INSL4: variants seen among roughly 807,000 people sequenced by gnomAD.
The protein encoded by INSL4 is early placenta insulin-like peptide.
In INSL4, 7 loss-of-function variants were observed where a neutral mutation model predicts 6.5. The ratio of observed to expected loss-of-function variants is 1.08; its 90% CI spans 0.61 to 2.02. The LOEUF (loss-of-function observed/expected upper bound fraction) is 2.02. Among genes scored for constraint, INSL4 ranks in the 30% most tolerant of loss-of-function variants. The pLI is 0.00. For missense variants in INSL4, 226 were observed against 163.2 expected (o/e 1.38, Z -2.09); for synonymous variants, 82 against 65.8 (o/e 1.25, Z -1.19).
chr9:5,233,249 A>C lies in INSL4; in HGVS notation c.197-405A>C, dbSNP rs555802212. On this transcript the variant is annotated intron_variant, in intron 1 of 1. Transcript: ENST00000239316. ...TCCACTGATATAGATGTATAGATTT[A>C]TGTGGATCAGATTTGAATATCTGAA... 2.6e-5 allele frequency among the ~76,000 whole-genome samples: 4 copies of C among 152,276 alleles called. No individual in the cohort carries two copies. The South Asian group carries it at 8.3e-4, about 32-fold the overall frequency.
At chr9:5,232,336 G>A (rs975407654) in intron 1 of INSL4, among the ~76,000 whole-genome samples, 3 of 151,920 alleles carry the variant, frequency 2.0e-5, no homozygotes, top group Non-Finnish European at 2.9e-5. Flanking sequence ...TTACAAAAAA[G>A]TTTTTTTTAA....
At chr9:5,232,890 C>A (rs1324794947) in intron 1 of INSL4, among the ~76,000 whole-genome samples, 1 of 152,160 alleles carries the variant, frequency 6.6e-6, no homozygotes, top group Non-Finnish European at 1.5e-5. Context: ...ACAGTGAATG[C>A]ACTTGGATTT....
chr9:5,234,008 T>C lies in INSL4; in HGVS notation c.*131T>C, dbSNP rs756218443. The C allele has an allele frequency of 8.8e-6, 6 of 679,846 alleles. No homozygotes were observed. The highest frequency in any genetic ancestry group is 1.5e-5 in the Non-Finnish European group (6 of 390,644). 42.1% of individuals were successfully genotyped at this position (679,846 alleles called of 1,614,324 possible). ...CATTATTAGTATTCACATGTTTCAC[T>C]TGCTCTGTACTAATATAGTCTCTCC... On this transcript the variant is annotated 3_prime_UTR_variant, in exon 2 of 2. Coordinates refer to ENST00000239316, the MANE Select transcript of INSL4 (RefSeq NM_002195.2).
rs1826147171 is a variant in INSL4, at chr9:5,231,632, A to G, written c.109A>G (p.Lys37Glu). 1 of 1,613,796 alleles carries G rather than the reference A, an allele frequency of 6.2e-7. No homozygotes were observed. Among genetic ancestry groups the G allele is most frequent in the African/African-American group, 1.3e-5 (1 of 74,898 alleles). ...GAGGGGATGTGGTCCCCGATTTGGA[A>G]AACACTTGCTGTCATATTGCCCCAT... is the stretch of plus-strand genomic sequence containing the variant. Reference protein sequence around the residue: ...ELRGCGPRFGKHLLSYCPMPE... With the variant: ...ELRGCGPRFGEHLLSYCPMPE... Residue 37 changes from lysine (K) to glutamate (E), a missense_variant, in exon 1 of 2, where the codon AAA becomes GAA. Transcript: ENST00000239316.
chr9:5,233,673 C>A lies in INSL4; in HGVS notation c.216C>A (p.Asn72Lys), dbSNP rs535116565. The A allele has an allele frequency of 2.5e-6, 4 of 1,613,380 alleles. No homozygotes were observed. In the African/African-American group the frequency reaches 4.0e-5, roughly 16 times the overall value. Residue 72 changes from asparagine to lysine, a missense_variant, in exon 2 of 2, where the codon AAC becomes AAA. Asn to Lys is a moderately conservative substitution (Grantham distance 94). Coordinates refer to ENST00000239316, the MANE Select transcript of INSL4 (RefSeq NM_002195.2). ...GRPKEMVSTS[N>K]NKDGQALGTT... The stretch of plus-strand genomic sequence containing the variant: ...TCACAGAAATGGTGTCAACCTCCAA[C>A]AACAAAGATGGACAAGCCTTAGGTA...
rs144148792 is a variant in INSL4 at position 5,233,789 on chromosome 9, G to A, written c.332G>A (p.Arg111His). The A allele has an allele frequency of 2.9e-5, 47 of 1,613,466 alleles. No individual in the cohort carries two copies. Among genetic ancestry groups the A allele is most frequent in the East Asian group, 6.7e-5 (3 of 44,866 alleles). Reference protein sequence around the residue: ...QPSLKKIILSRKKRSGRHRFD... With the variant: ...QPSLKKIILSHKKRSGRHRFD... ...TCATTGAAGAAAATAATACTTTCCC[G>A]CAAAAAGAGAAGTGGACGTCACAGA... Residue 111 changes from arginine to histidine, a missense_variant, in exon 2 of 2, where the codon CGC (arginine) becomes CAC (histidine). Physicochemically the swap from Arg to His is conservative, Grantham distance 29 (BLOSUM62 0). Transcript: ENST00000239316.
Position 5,234,679 on chromosome 9 carries a change from C to T in INSL4, c.*802C>T, listed in dbSNP as rs956632666. On this transcript the variant is annotated 3_prime_UTR_variant, in exon 2 of 2. Coordinates refer to ENST00000239316, the MANE Select transcript of INSL4 (RefSeq NM_002195.2). ...CTGGCATTCCTCTGGCTACACATAC[C>T]TCCTCCCTATGTGTCTCTAAATCCT... 6.6e-6 allele frequency: 1 copy of T among 152,334 alleles called. No individual in the cohort carries two copies. The highest frequency in any genetic ancestry group is 6.6e-5 in the Admixed American group (1 of 15,264). 9.4% of individuals were successfully genotyped at this position (152,334 alleles called of 1,614,324 possible).
intron 1 of INSL4, among the ~76,000 whole-genome samples, chr9:5,232,711 G>C (rs893890887): frequency 3.3e-5 from 5 of 152,172 alleles, no homozygotes; most frequent in African/African-American, 1.2e-4. Context: ...TGTCTAATAG[G>C]TCGTATTAAG....
intron 1 of INSL4, among the ~76,000 whole-genome samples, chr9:5,232,716 A>C (rs1361274516): frequency 6.6e-6 from 1 of 152,220 alleles, no homozygotes; most frequent in Non-Finnish European, 1.5e-5. Flanking sequence ...AATAGGTCGT[A>C]TTAAGTTCTG....
rs1460868807 is a variant in INSL4, at chr9:5,234,184, T to A, written c.*307T>A. 3.3e-6 allele frequency: 1 copy of A among 302,856 alleles called. No homozygotes were observed. 18.8% of individuals were successfully genotyped at this position (302,856 alleles called of 1,614,324 possible). ...CAAAAAAGATGAATGTTAGTTTGGA[T>A]GCATATCCCAATTACCCTGATTTGA... On this transcript the variant is annotated 3_prime_UTR_variant, in exon 2 of 2. Transcript: ENST00000239316.
At chr9:5,233,114 A>T (rs1826172990) in intron 1 of INSL4, among the ~76,000 whole-genome samples, 1 of 152,136 alleles carries the variant, frequency 6.6e-6, no homozygotes, top group African/African-American at 2.4e-5. Flanking sequence ...TACTTTGACA[A>T]ATATAGATAA....
At position 5,231,624 on chromosome 9, in the gene INSL4, G is replaced by A. The variant is rs769875507; in HGVS notation, c.101G>A (p.Arg34Gln). ...LAAELRGCGP[R>Q]FGKHLLSYCP... ...GCAGAGCTGAGGGGATGTGGTCCCC[G>A]ATTTGGAAAACACTTGCTGTCATAT... Residue 34 changes from arginine (R) to glutamine (Q), a missense_variant, in exon 1 of 2, where the codon CGA becomes CAA. By Grantham distance (43) the Arg-to-Gln change is conservative (BLOSUM62 1). Coordinates refer to ENST00000239316, the MANE Select transcript of INSL4 (RefSeq NM_002195.2). 1.3e-5 allele frequency: 21 copies of A among 1,613,768 alleles called. No homozygotes were observed. The highest frequency in any genetic ancestry group is 3.3e-5 in the South Asian group (3 of 91,080).
intron 1 of INSL4, among the ~76,000 whole-genome samples, chr9:5,232,016 G>A (rs1826153840): frequency 6.6e-6 from 1 of 152,116 alleles, no homozygotes; most frequent in Non-Finnish European, 1.5e-5. Context: ...CCTCAGAGAA[G>A]GTGACTATTC....
At chr9:5,233,496 A>C (rs528948264) in intron 1 of INSL4, among the ~76,000 whole-genome samples, 158 bp from the exon 2 acceptor site, 1 of 152,248 alleles carries the variant, frequency 6.6e-6, no homozygotes, top group Non-Finnish European at 1.5e-5. Flanking sequence ...TAAGTAAGCT[A>C]AGTTGTTGAA....
chr9:5,231,688 A>T lies in INSL4; in HGVS notation c.165A>T (p.Gly55=), dbSNP rs1210487483. Residue 55 remains glycine, a synonymous_variant, in exon 1 of 2, where the codon GGA becomes GGT. Coordinates refer to ENST00000239316, the MANE Select transcript of INSL4 (RefSeq NM_002195.2). ...MPEKTFTTTP[G]GWLLESGRPK... is the part of the protein sequence containing the mutation. ...AGAAGACATTCACCACCACCCCAGG[A>T]GGGTGGCTGCTGGAATCTGGACGTC... 2 of 1,613,772 alleles carry T rather than the reference A, an allele frequency of 1.2e-6. No individual in the cohort carries two copies. Among genetic ancestry groups the T allele is most frequent in the Non-Finnish European group, 1.7e-6 (2 of 1,179,790 alleles).
intron 1 of INSL4, 90 bp from the exon 2 acceptor site, chr9:5,233,564 A>G (rs1371406089): frequency 1.1e-6 from 1 of 923,516 alleles, no homozygotes; most frequent in Non-Finnish European, 1.7e-6. Context: ...CAATGGGTAC[A>G]TTGTGGTCTA....
intron 1 of INSL4, 63 bp downstream of exon 1, chr9:5,231,782 T>G (rs1328654442): frequency 2.1e-6 from 3 of 1,439,120 alleles, no homozygotes; most frequent in Non-Finnish European, 2.9e-6. Context: ...CCAGATCTCA[T>G]TGACTGCCTG....
In INSL4 at chr9:5,234,564, C is replaced by T. The variant is rs747454831; in HGVS notation, c.*687C>T. 2.0e-5 allele frequency: 3 copies of T among 152,758 alleles called. No homozygotes were observed. Among genetic ancestry groups the T allele is most frequent in the African/African-American group, 4.8e-5 (2 of 41,450 alleles). The allele number at this position is 152,758 out of a possible 1,614,324, so 9.5% of individuals were successfully genotyped here. A position where few individuals can be genotyped will look rare whatever the true frequency, so the allele number is the denominator to read the frequency against. On this transcript the variant is annotated 3_prime_UTR_variant, in exon 2 of 2. Transcript: ENST00000239316. ...CCTCCACCTGCCTCTCAGCACGCTG[C>T]CTTTAGACCTTCAATCATTCTATAA...
intron 1 of INSL4, among the ~76,000 whole-genome samples, chr9:5,233,271 T>C (rs767441219): frequency 2.0e-5 from 3 of 152,174 alleles, no homozygotes; most frequent in Non-Finnish European, 4.4e-5. Context: ...TTTGAATATC[T>C]GAATCTTTCT....
Sources: allele counts gnomAD v4.1 joint callset (sites outside exome capture counted in the v4.1 genomes callset), GRCh38; gene constraint gnomAD v4.1.1; transcripts MANE v1.5; gene names NCBI Gene and HGNC (gene_info 2026-07-23, HGNC 2026-07-21).